Variants in CAST observed in about 807,000 individuals in gnomAD.
CAST encodes the protein calpastatin.
Under a neutral mutation model 119.6 loss-of-function variants are expected in CAST, and 76 were observed. That is an observed-to-expected ratio of 0.64 (90% CI 0.53 to 0.77). CAST has a LOEUF of 0.77. Ranked by LOEUF, CAST falls within the 30% of genes least tolerant of loss-of-function variation. The pLI, the probability that CAST is intolerant of heterozygous loss-of-function variation, is 0.00. For missense variants in CAST, 953 were observed against 946.5 expected, an observed-to-expected ratio of 1.01 and a Z score of -0.09; for synonymous variants, 319 against 331.6, an observed-to-expected ratio of 0.96 and a Z score of 0.41.
At chr5:96,287,054 G>T in the CAST span, among the ~76,000 whole-genome samples, 3 of 152,026 alleles carry the variant, frequency 2.0e-5, no homozygotes, top group Middle Eastern at 6.8e-3. Context: ...TTAAATTGAG[G>T]GTTGTAGTCA....
At chr5:96,129,849 A>AAGTATTAATT in the CAST span, among the ~76,000 whole-genome samples, 43,641 of 151,544 alleles carry the variant, frequency 0.29, 6,607 homozygotes, top group Non-Finnish European at 0.33. Context: ...TATTTCTAAA[A>AAGTATTAATT]AGTATTAATT....
intron 1 of CAST, among the ~76,000 whole-genome samples, chr5:96,601,438 A>C (rs1405535516): frequency 6.6e-6 from 1 of 152,250 alleles, no homozygotes; most frequent in Non-Finnish European, 1.5e-5. Flanking sequence ...ATAGAAGGTT[A>C]CTACGGAAAC....
chr5:96,169,762 T>C, the CAST span, among the ~76,000 whole-genome samples: 1 of 152,020 alleles, frequency 6.6e-6, no homozygotes, highest in African/African-American at 2.4e-5. Flanking sequence ...GGGGAGGATG[T>C]CAAGGAGGCT....
the CAST span, among the ~76,000 whole-genome samples, chr5:96,215,747 G>A: frequency 2.4e-4 from 37 of 152,008 alleles, no homozygotes; most frequent in Non-Finnish European, 3.5e-4. Context: ...GGATGAAGAC[G>A]TTTATGATGA....
chr5:96,669,731 C>T (rs73774363), intron 1 of CAST, among the ~76,000 whole-genome samples: 21 of 152,290 alleles, frequency 1.4e-4, no homozygotes, highest in African/African-American at 4.8e-4. Flanking sequence ...AGCCCAGAGC[C>T]ACCCCAGTCT....
the CAST span, among the ~76,000 whole-genome samples, chr5:96,508,277 C>T: frequency 1.3e-5 from 2 of 152,244 alleles, no homozygotes; most frequent in South Asian, 4.1e-4. Context: ...CCCTTCCCAG[C>T]GTGTGACTCA....
the CAST span, among the ~76,000 whole-genome samples, chr5:96,100,599 G>A: frequency 1.3e-5 from 2 of 152,064 alleles, no homozygotes; most frequent in Non-Finnish European, 2.9e-5. Context: ...TCTCTACCTG[G>A]GTGGGCTTGG....
At chr5:96,450,400 A>G in the CAST span, among the ~76,000 whole-genome samples, 1 of 152,210 alleles carries the variant, frequency 6.6e-6, no homozygotes, top group African/African-American at 2.4e-5. Context: ...GTACACACAG[A>G]CATACAGAAT....
chr5:96,021,295 T>A, the CAST span, among the ~76,000 whole-genome samples: 1 of 152,132 alleles, frequency 6.6e-6, no homozygotes. Context: ...AATAGAACTT[T>A]TTCACACACA....
the CAST span, among the ~76,000 whole-genome samples, chr5:96,519,229 T>C: frequency 6.6e-6 from 1 of 152,166 alleles, no homozygotes; most frequent in Non-Finnish European, 1.5e-5. Flanking sequence ...CATCTTTCTC[T>C]GAAAAGAAAT....
the CAST span, among the ~76,000 whole-genome samples, chr5:96,264,675 A>G: frequency 2.6e-5 from 4 of 152,148 alleles, no homozygotes; most frequent in Non-Finnish European, 5.9e-5. Flanking sequence ...GAATATTCCT[A>G]TTCATCCTGT....
chr5:96,387,221 C>T, the CAST span, among the ~76,000 whole-genome samples: 1 of 152,310 alleles, frequency 6.6e-6, no homozygotes, highest in South Asian at 2.1e-4. Flanking sequence ...TATTTTCAGA[C>T]ATTTTTGGCC....
At chr5:96,095,387 T>C in the CAST span, among the ~76,000 whole-genome samples, 1 of 151,040 alleles carries the variant, frequency 6.6e-6, no homozygotes, top group Non-Finnish European at 1.5e-5. Flanking sequence ...CTGGGTGACA[T>C]AGAGACACCC....
the CAST span, chr5:96,422,038 C>T: frequency 1.3e-6 from 1 of 776,080 alleles, no homozygotes; most frequent in Non-Finnish European, 2.2e-6. Flanking sequence ...TCCCAAGCCT[C>T]TTACCCTATG....
the CAST span, among the ~76,000 whole-genome samples, chr5:96,500,583 A>T: frequency 2.0e-5 from 3 of 152,168 alleles, no homozygotes; most frequent in Non-Finnish European, 4.4e-5. Flanking sequence ...TTATGGTCAC[A>T]GAGGTTGGTC....
At chr5:96,249,733 C>G in the CAST span, among the ~76,000 whole-genome samples, 2 of 152,198 alleles carry the variant, frequency 1.3e-5, no homozygotes, top group Non-Finnish European at 2.9e-5. Flanking sequence ...TCAATATTCA[C>G]TCTATCAAAC....
At position 96,762,337 on chromosome 5, in the gene CAST, A is replaced by G. The variant is rs962850208; in HGVS notation, c.1897A>G (p.Thr633Ala). 2 of 1,607,010 alleles carry G rather than the reference A, an allele frequency of 1.2e-6. No individual in the cohort carries two copies. Among genetic ancestry groups the G allele is most frequent in the Non-Finnish European group, 1.7e-6 (2 of 1,177,532 alleles). ...AGTGGTTTCCCAAACCCCAGCTTCA[A>G]CGACCCAAGCTGGAGCCCCACCCCG... ...SEVVSQTPASTTQAGAPPRDT... is the reference protein window; with the variant it reads ...SEVVSQTPASATQAGAPPRDT... The change falls in exon 25 of 32, where the codon ACG becomes GCG. Residue 633 changes from threonine (T) to alanine (A), a missense_variant. Transcript: ENST00000675179.
chr5:96,544,808 A>T (rs1191815043), intron 1 of CAST, among the ~76,000 whole-genome samples: 2 of 144,554 alleles, frequency 1.4e-5, no homozygotes, highest in Admixed American at 7.2e-5. Context: ...GCAATTAAAA[A>T]CCAGAGAGTT....
rs1773371408 is a variant in CAST at position 96,773,972 on chromosome 5, T to C, written c.*1356T>C. The C allele has an allele frequency of 6.6e-6, 1 of 152,072 alleles. No homozygotes were observed. The highest frequency in any genetic ancestry group is 1.5e-5 in the Non-Finnish European group (1 of 68,014). The allele number at this position is 152,072 out of a possible 1,614,324, so 9.4% of individuals were successfully genotyped here. A position where few individuals can be genotyped will look rare whatever the true frequency, so the allele number is the denominator to read the frequency against. On this transcript the variant is annotated 3_prime_UTR_variant, in exon 32 of 32. Transcript: ENST00000675179. ...TCTTGTTAACCTCCCCCCCAAATAC[T>C]CTCTGAAAGTCATGCACATACCTAT... is the stretch of plus-strand genomic sequence containing the variant.
Sources: gnomAD v4.1 joint callset for allele counts (sites outside exome capture counted in the v4.1 genomes callset) on GRCh38, gnomAD v4.1.1 for gene constraint, MANE v1.5 for transcripts, NCBI Gene and HGNC (gene_info 2026-07-23, HGNC 2026-07-21) for gene names.